The following RUNX1 variants were observed in gnomAD, a reference collection of about 807,000 sequenced individuals.
The protein encoded by RUNX1 is RUNX family transcription factor 1.
RUNX1 carries 19 observed loss-of-function variants against 42.8 expected under a neutral mutation model. That is an observed-to-expected ratio of 0.44 (90% confidence interval 0.31 to 0.65). RUNX1 has a LOEUF of 0.65. Among genes scored for constraint, RUNX1 ranks in the 30% least tolerant of loss-of-function variants. The pLI is 0.07. For synonymous variants in RUNX1, 271 were observed against 289.4 expected (o/e 0.94, Z 0.64); for missense variants, 528 against 672.0 (o/e 0.79, Z 2.37).
At chr21:34,920,527 A>C (rs79727805) in intron 2 of RUNX1, among the ~76,000 whole-genome samples, 4,632 of 152,312 alleles carry the variant, frequency 0.03, 95 homozygotes, top group Non-Finnish European at 0.046. Flanking sequence ...TAAGCTGTAT[A>C]TTTTACATAC....
chr21:34,931,508 T>C (rs1310088697), intron 2 of RUNX1, among the ~76,000 whole-genome samples: 1 of 146,894 alleles, frequency 6.8e-6, no homozygotes, highest in African/African-American at 2.5e-5. Flanking sequence ...TATGCACATG[T>C]ATATGTATTA....
At position 34,813,581 on chromosome 21, in the gene RUNX1, G is replaced by A. The variant is rs554504318; in HGVS notation, c.806-14119C>T. On this transcript the variant is annotated intron_variant, in intron 7 of 8. Transcript: ENST00000675419. ...GACTGCTCTCTCAGTCTCATGGCCT[G>A]GCACCCAGACTTAGAGCTGGCATGT... 5.9e-5 allele frequency among the ~76,000 whole-genome samples: 9 copies of A among 152,110 alleles called. No individual in the cohort carries two copies. In the East Asian group the frequency reaches 1.5e-3, roughly 26 times the overall value.
chr21:34,881,702 G>C (rs961806893), intron 4 of RUNX1, among the ~76,000 whole-genome samples: 6 of 152,156 alleles, frequency 3.9e-5, no homozygotes, highest in Non-Finnish European at 8.8e-5. Flanking sequence ...GGAGAAAACT[G>C]GTAGATAAAT....
chr21:34,853,320 CA>C (rs201327422), intron 6 of RUNX1, among the ~76,000 whole-genome samples: 4 of 151,704 alleles, frequency 2.6e-5, no homozygotes, highest in Non-Finnish European at 4.4e-5. Context: ...CCTGTCAGTA[CA>C]AAAAAAATGA....
chr21:34,991,542 TACGATG>T (rs1036951581), intron 2 of RUNX1, among the ~76,000 whole-genome samples: 24 of 71,346 alleles, frequency 3.4e-4, no homozygotes, highest in African/African-American at 2.0e-3. Flanking sequence ...TAGCAGGGAT[TACGATG>T]ATGATGATGA....
At chr21:34,977,784 T>C (rs2058814059) in intron 2 of RUNX1, among the ~76,000 whole-genome samples, 1 of 152,212 alleles carries the variant, frequency 6.6e-6, no homozygotes, top group African/African-American at 2.4e-5. Context: ...CAAAAAGCTG[T>C]CTCCATCTTT....
intron 2 of RUNX1, among the ~76,000 whole-genome samples, chr21:34,964,211 G>A (rs2058701733): frequency 6.6e-6 from 1 of 152,170 alleles, no homozygotes; most frequent in Admixed American, 6.5e-5. Context: ...CAGATGGGAC[G>A]GGCACGGTGG....
At chr21:34,838,417 T>C (rs565520075) in intron 6 of RUNX1, among the ~76,000 whole-genome samples, 2 of 152,322 alleles carry the variant, frequency 1.3e-5, no homozygotes, top group African/African-American at 4.8e-5. Context: ...GAGGAAGGTA[T>C]ATACTCAGAA....
chr21:34,978,681 T>C (rs2146779563), intron 2 of RUNX1, among the ~76,000 whole-genome samples: 1 of 152,308 alleles, frequency 6.6e-6, no homozygotes, highest in South Asian at 2.1e-4. Flanking sequence ...GCTCATTTTG[T>C]GAGCCAGATC....
intron 2 of RUNX1, among the ~76,000 whole-genome samples, chr21:35,032,238 A>G (rs529848713): frequency 6.6e-6 from 1 of 152,348 alleles, no homozygotes; most frequent in African/African-American, 2.4e-5. Context: ...ACTGAGAATA[A>G]TGGGCTGGAT....
chr21:34,819,547 C>A lies in RUNX1; in HGVS notation c.805+14863G>T, dbSNP rs147260835. Among the ~76,000 whole-genome samples, 1,165 of 152,370 alleles carry A rather than the reference C, an allele frequency of 7.6e-3. 24 individuals carry two copies. The highest frequency in any genetic ancestry group is 0.027 in the African/African-American group (1,117 of 41,592). ...CCTCTGAAAGAAGGGCATTTGGTCT[C>A]TGCAAATTCCTGTGACATTCCAGGG... On this transcript the variant is annotated intron_variant, in intron 7 of 8. Transcript: ENST00000675419.
At chr21:34,812,524 C>G (rs1053151300) in intron 7 of RUNX1, among the ~76,000 whole-genome samples, 1 of 152,214 alleles carries the variant, frequency 6.6e-6, no homozygotes, top group Non-Finnish European at 1.5e-5. Context: ...ACCCCAAACT[C>G]TGATTCAGAA....
At chr21:34,816,628 A>C (rs2056831029) in intron 7 of RUNX1, among the ~76,000 whole-genome samples, 1 of 152,114 alleles carries the variant, frequency 6.6e-6, no homozygotes, top group African/African-American at 2.4e-5. Context: ...AGTGAGGACA[A>C]AGATGTTCTG....
intron 2 of RUNX1, among the ~76,000 whole-genome samples, chr21:34,929,175 C>T (rs975981929): frequency 6.6e-6 from 1 of 152,148 alleles, no homozygotes; most frequent in Non-Finnish European, 1.5e-5. Flanking sequence ...CAGTCCTTCC[C>T]TGGAAAATCA....
chr21:34,984,376 C>T (rs1282631701), intron 2 of RUNX1, among the ~76,000 whole-genome samples: 2 of 152,050 alleles, frequency 1.3e-5, no homozygotes, highest in Non-Finnish European at 2.9e-5. Context: ...TGGCCAATCT[C>T]AGTATGTCAT....
chr21:34,857,139 C>T (rs2057505360), intron 6 of RUNX1, among the ~76,000 whole-genome samples: 1 of 152,182 alleles, frequency 6.6e-6, no homozygotes, highest in Non-Finnish European at 1.5e-5. Flanking sequence ...ATATATCATA[C>T]TTATACTTAT....
At chr21:34,810,667 AG>A (rs1226270595) in intron 7 of RUNX1, among the ~76,000 whole-genome samples, 1 of 152,190 alleles carries the variant, frequency 6.6e-6, no homozygotes, top group African/African-American at 2.4e-5. Flanking sequence ...TCCCCCCATA[AG>A]GAGATGTTAT....
At chr21:34,976,100 T>C (rs1313236311) in intron 2 of RUNX1, among the ~76,000 whole-genome samples, 1 of 147,820 alleles carries the variant, frequency 6.8e-6, no homozygotes, top group African/African-American at 2.5e-5. Context: ...TGGAGGGAGA[T>C]TGAAAAAAAT....
chr21:34,823,539 G>A (rs556463455), intron 7 of RUNX1, among the ~76,000 whole-genome samples: 2 of 146,776 alleles, frequency 1.4e-5, no homozygotes, highest in African/African-American at 5.2e-5. Flanking sequence ...TGCCTCCCAG[G>A]TTCAAGCGAT....
Sources: gnomAD v4.1 joint callset for allele counts (sites outside exome capture counted in the v4.1 genomes callset) on GRCh38, gnomAD v4.1.1 for gene constraint, MANE v1.5 for transcripts, NCBI Gene and HGNC (gene_info 2026-07-23, HGNC 2026-07-21) for gene names.